Variants in CTNNA3 observed in about 807,000 individuals in gnomAD.
CTNNA3 encodes the protein catenin alpha 3, also known as catenin alpha-3.
A neutral mutation model predicts 95.7 loss-of-function variants in CTNNA3; 76 were observed. The observed-to-expected ratio is 0.79, with a 90% confidence interval of 0.66 to 0.96. The LOEUF (loss-of-function observed/expected upper bound fraction) is 0.96. Ranked by LOEUF, CTNNA3 falls within the 40% of genes least tolerant of loss-of-function variation. The probability of loss-of-function intolerance (pLI) is 0.00; values close to 1 mark genes in which losing one functional copy is unlikely to be tolerated. For missense variants in CTNNA3, 1,191 were observed against 1,089.8 expected (o/e 1.09, Z -1.31); for synonymous variants, 431 against 374.4 (o/e 1.15, Z -1.74).
intron 7 of CTNNA3, among the ~76,000 whole-genome samples, chr10:66,931,217 A>G (rs948312599): frequency 3.7e-5 from 5 of 136,206 alleles, no homozygotes; most frequent in African/African-American, 5.3e-5. Context: ...AAAAAGCCTG[A>G]CCTGTTGAAC....
In CTNNA3 at chr10:66,217,793, A is replaced by G. The variant is rs529995242; in HGVS notation, c.1884+62677T>C. ...TAGTACTTACTATATTTGGATAAAC[A>G]GTATCCATGATGGCTGTGGTAGGGA... On this transcript the variant is annotated intron_variant, in intron 13 of 17. Transcript: ENST00000433211. Among the ~76,000 whole-genome samples, 7 of 152,334 alleles carry G rather than the reference A, an allele frequency of 4.6e-5. No homozygotes were observed. In the South Asian group the frequency reaches 1.5e-3, roughly 32 times the overall value.
intron 1 of CTNNA3, among the ~76,000 whole-genome samples, chr10:67,702,164 T>C (rs1453569908): frequency 2.4e-4 from 37 of 152,104 alleles, no homozygotes; most frequent in African/African-American, 6.3e-4. Context: ...TAGACTCCCA[T>C]ACAATAATAA....
intron 5 of CTNNA3, among the ~76,000 whole-genome samples, chr10:67,480,036 A>G (rs1848159506): frequency 6.6e-6 from 1 of 152,084 alleles, no homozygotes; most frequent in Non-Finnish European, 1.5e-5. Flanking sequence ...TGAATCGGGA[A>G]GAGATTGAAA....
chr10:66,963,587 G>T (rs1490730549), intron 7 of CTNNA3, among the ~76,000 whole-genome samples: 1 of 152,136 alleles, frequency 6.6e-6, no homozygotes, highest in Non-Finnish European at 1.5e-5. Flanking sequence ...AGTTTGGGTA[G>T]AGAGGTTTAC....
intron 3 of CTNNA3, among the ~76,000 whole-genome samples, chr10:67,556,707 T>C (rs539418974): frequency 4.6e-5 from 7 of 152,338 alleles, no homozygotes; most frequent in Non-Finnish European, 8.8e-5. Context: ...AAAAACCAGC[T>C]CCTGGATTCA....
At chr10:67,259,706 A>C (rs998875007) in intron 5 of CTNNA3, among the ~76,000 whole-genome samples, 6 of 152,042 alleles carry the variant, frequency 3.9e-5, no homozygotes, top group African/African-American at 1.4e-4. Context: ...AACTCCCATG[A>C]CCCTCTATGT....
intron 11 of CTNNA3, among the ~76,000 whole-genome samples, chr10:66,403,635 G>A (rs145120502): frequency 7.2e-5 from 11 of 152,206 alleles, no homozygotes; most frequent in Non-Finnish European, 1.0e-4. Context: ...GGGGGGAGAC[G>A]AGCCAAACCA....
chr10:67,278,811 T>A (rs1839285651), intron 5 of CTNNA3, among the ~76,000 whole-genome samples: 1 of 152,198 alleles, frequency 6.6e-6, no homozygotes, highest in African/African-American at 2.4e-5. Flanking sequence ...TAAAACATTT[T>A]GATTTTTTCC....
At chr10:66,581,672 T>A (rs976935631) in intron 10 of CTNNA3, among the ~76,000 whole-genome samples, 1 of 151,716 alleles carries the variant, frequency 6.6e-6, no homozygotes, top group African/African-American at 2.4e-5. Flanking sequence ...ATTATTTTTG[T>A]TTTGTTGGAT....
chr10:66,013,599 C>A (rs2079044073), intron 15 of CTNNA3, among the ~76,000 whole-genome samples: 2 of 152,104 alleles, frequency 1.3e-5, no homozygotes, highest in African/African-American at 4.8e-5. Context: ...GCTTTGATGT[C>A]AATGAAAACC....
At chr10:67,611,021 ATG>A (rs1843437926) in intron 2 of CTNNA3, among the ~76,000 whole-genome samples, 1 of 152,208 alleles carries the variant, frequency 6.6e-6, no homozygotes, top group Non-Finnish European at 1.5e-5. Flanking sequence ...TTCCATGGGA[ATG>A]GTGCTAAATT....
intron 7 of CTNNA3, among the ~76,000 whole-genome samples, chr10:67,036,459 T>C (rs1854062027): frequency 6.6e-6 from 1 of 150,958 alleles, no homozygotes; most frequent in African/African-American, 2.4e-5. Flanking sequence ...AGGTCAGGAG[T>C]TTGAGATCAG....
chr10:67,558,497 G>A (rs2133248850), intron 3 of CTNNA3, among the ~76,000 whole-genome samples: 1 of 152,280 alleles, frequency 6.6e-6, no homozygotes, highest in South Asian at 2.1e-4. Context: ...CTATCTGAAT[G>A]CGGCTGGCAG....
At chr10:66,463,874 A>G (rs2093546041) in intron 11 of CTNNA3, among the ~76,000 whole-genome samples, 1 of 148,454 alleles carries the variant, frequency 6.7e-6, no homozygotes, top group Non-Finnish European at 1.5e-5. Context: ...CAGAGGGAGC[A>G]GTCACTTTCC....
At chr10:66,583,629 C>G (rs1843267595) in intron 10 of CTNNA3, among the ~76,000 whole-genome samples, 1 of 151,554 alleles carries the variant, frequency 6.6e-6, no homozygotes. Flanking sequence ...TTTGAAGGAG[C>G]TATTTTTTGT....
intron 5 of CTNNA3, among the ~76,000 whole-genome samples, chr10:67,363,640 A>C (rs1043672808): frequency 1.3e-5 from 2 of 152,114 alleles, no homozygotes; most frequent in African/African-American, 2.4e-5. Context: ...AATAAAGGGA[A>C]TATCACCACC....
chr10:66,141,462 T>C (rs980665285), intron 13 of CTNNA3, among the ~76,000 whole-genome samples: 1 of 152,106 alleles, frequency 6.6e-6, no homozygotes, highest in African/African-American at 2.4e-5. Context: ...TGAATGAAGA[T>C]ATCCTCAAAC....
intron 12 of CTNNA3, among the ~76,000 whole-genome samples, chr10:66,351,898 G>T (rs2092569584): frequency 6.6e-6 from 1 of 151,918 alleles, no homozygotes; most frequent in Non-Finnish European, 1.5e-5. Flanking sequence ...CAAATGTTTA[G>T]TGACTATTAT....
chr10:66,022,434 C>T (rs537064392), intron 15 of CTNNA3, among the ~76,000 whole-genome samples: 218 of 152,184 alleles, frequency 1.4e-3, no homozygotes, highest in Non-Finnish European at 2.4e-3. Flanking sequence ...TCTTTAAATT[C>T]TTCAGTATTA....
Sources: gnomAD v4.1 joint callset for allele counts (sites outside exome capture counted in the v4.1 genomes callset) on GRCh38, gnomAD v4.1.1 for gene constraint, MANE v1.5 for transcripts, NCBI Gene and HGNC (gene_info 2026-07-23, HGNC 2026-07-21) for gene names.